NFIC: variants seen among roughly 807,000 people sequenced by gnomAD.
NFIC encodes the protein nuclear factor I C.
A neutral mutation model predicts 54.4 loss-of-function variants in NFIC; 12 were observed. That is an observed-to-expected ratio of 0.22 (90% CI 0.14 to 0.36). The LOEUF is 0.36. Ranked by LOEUF, NFIC falls within the 10% of genes least tolerant of loss-of-function variation. The pLI is 1.00. For synonymous variants in NFIC, 322 were observed against 319.2 expected, an observed-to-expected ratio of 1.01 and a Z score of -0.09; for missense variants, 575 against 718.2, an observed-to-expected ratio of 0.80 and a Z score of 2.28.
intron 5 of NFIC, 121 bp downstream of exon 5, chr19:3,434,521 G>A (rs2082168379): frequency 7.2e-7 from 1 of 1,388,670 alleles, no homozygotes; most frequent in Middle Eastern, 1.9e-4. Flanking sequence ...CACCTGGCCT[G>A]AGAAACTCCT....
chr19:3,371,507 G>A (rs2081010029), intron 1 of NFIC: 1 of 151,896 alleles, frequency 6.6e-6, no homozygotes, highest in African/African-American at 2.4e-5. Flanking sequence ...ATGAATGAAT[G>A]AATGAATGAA....
rs188129752 is a variant in NFIC, at chr19:3,398,597, G to C, written c.562+16354G>C. 7.2e-5 allele frequency among the ~76,000 whole-genome samples: 11 copies of C among 152,246 alleles called. No homozygotes were observed. In the East Asian group the frequency reaches 2.1e-3, roughly 29 times the overall value. ...GTTGTGCTGTCTCTGGGAATCCCAGGCATCCCCCAGGCAGGAGTCAACCCA... is the reference window on the plus strand; with the variant it reads ...GTTGTGCTGTCTCTGGGAATCCCAGCCATCCCCCAGGCAGGAGTCAACCCA... On this transcript the variant is annotated intron_variant, in intron 2 of 10. Transcript: ENST00000443272.
At chr19:3,443,359 G>C (rs2082322005) in intron 6 of NFIC, among the ~76,000 whole-genome samples, 6 of 151,924 alleles carry the variant, frequency 3.9e-5, no homozygotes. Context: ...GGAGGTCAAG[G>C]CTGCAGTAAG....
intron 1 of NFIC, among the ~76,000 whole-genome samples, chr19:3,368,879 GTCTTTCTC>G (rs978573001): frequency 6.6e-6 from 1 of 150,932 alleles, no homozygotes; most frequent in African/African-American, 2.4e-5. Context: ...CTTTTTGTCT[GTCTTTCTC>G]TCTTTCTCTC....
intron 2 of NFIC, among the ~76,000 whole-genome samples, chr19:3,391,389 G>A (rs1355981160): frequency 6.6e-6 from 1 of 152,134 alleles, no homozygotes; most frequent in Non-Finnish European, 1.5e-5. Context: ...GGTGGCTTAC[G>A]CCTGTAATCT....
chr19:3,458,631 G>T lies in NFIC; in HGVS notation c.1509+1996G>T, dbSNP rs1599730901. ...GGGACCAGGGCTGGCAGAATGGGGT[G>T]TGGGGGGGCACTGGCAAGGGGCTCA... On this transcript the variant is annotated intron_variant, in intron 10 of 10. Transcript: ENST00000443272. The surrounding 1 kb of genome is among the most constrained non-coding windows in gnomAD (Gnocchi z 4.1). Among the ~76,000 whole-genome samples the T allele has an allele frequency of 6.6e-6, 1 of 151,982 alleles. No homozygotes were observed. The highest frequency in any genetic ancestry group is 2.4e-5 in the African/African-American group (1 of 41,386).
chr19:3,414,336 A>C (rs12978829), intron 2 of NFIC, among the ~76,000 whole-genome samples: 142,309 of 152,148 alleles, frequency 0.94, 66,589 homozygotes, highest in East Asian at 0.97. Flanking sequence ...GTGGCTCACG[A>C]TTGTAATCCC....
At chr19:3,442,689 C>T (rs907302804) in intron 6 of NFIC, among the ~76,000 whole-genome samples, 7 of 151,972 alleles carry the variant, frequency 4.6e-5, no homozygotes, top group African/African-American at 1.7e-4. Flanking sequence ...GCCCAGCCCG[C>T]CCATCCCTTT....
chr19:3,408,121 G>C (rs913941612), intron 2 of NFIC, among the ~76,000 whole-genome samples: 1 of 152,100 alleles, frequency 6.6e-6, no homozygotes, highest in Non-Finnish European at 1.5e-5. Flanking sequence ...GCCGGCTAAC[G>C]TTGGAAAATC....
intron 1 of NFIC, among the ~76,000 whole-genome samples, chr19:3,373,617 A>AC (rs150678004): frequency 0.085 from 6,646 of 78,412 alleles, 202 homozygotes; most frequent in Admixed American, 0.13. Flanking sequence ...ACCTTCCTGG[A>AC]CCCCCCCCCC....
intron 2 of NFIC, among the ~76,000 whole-genome samples, chr19:3,384,086 GCT>G (rs1005221716): frequency 9.7e-5 from 14 of 143,918 alleles, no homozygotes; most frequent in African/African-American, 3.6e-4. Context: ...ACAGGGTCTC[GCT>G]CTGTCACCCA....
intron 2 of NFIC, among the ~76,000 whole-genome samples, chr19:3,404,945 C>T (rs1358721243): frequency 6.6e-6 from 1 of 152,168 alleles, no homozygotes; most frequent in East Asian, 1.9e-4. Context: ...AGCACTGGGC[C>T]TCCAGTCCCA....
At chr19:3,425,933 T>A in intron 3 of NFIC, among the ~76,000 whole-genome samples, 1 of 124,212 alleles carries the variant, frequency 8.1e-6, no homozygotes, top group Non-Finnish European at 1.7e-5. Flanking sequence ...TTTTTTTTTT[T>A]TTTTTTTTTT....
At chr19:3,409,651 C>T (rs938688460) in intron 2 of NFIC, among the ~76,000 whole-genome samples, 3 of 142,386 alleles carry the variant, frequency 2.1e-5, no homozygotes, top group African/African-American at 7.5e-5. Context: ...TGGGTGCTCC[C>T]GGGCGGGAAG....
In NFIC at chr19:3,413,994, G is replaced by A. The variant is rs186169483; in HGVS notation, c.563-11112G>A. Among the ~76,000 whole-genome samples, 364 of 152,140 alleles carry A rather than the reference G, an allele frequency of 2.4e-3. 1 individual carries two copies. The highest frequency in any genetic ancestry group is 3.5e-3 in the Non-Finnish European group (237 of 68,006). ...GTTCCCATTAGAACATCAGTGCCTCGAGAGGAGGGATTCTTGTCTGTCTCT... is the reference window on the plus strand; with the variant it reads ...GTTCCCATTAGAACATCAGTGCCTCAAGAGGAGGGATTCTTGTCTGTCTCT... On this transcript the variant is annotated intron_variant, in intron 2 of 10. Transcript: ENST00000443272.
At position 3,375,854 on chromosome 19, in the gene NFIC, C is replaced by T. The variant is rs374659949; in HGVS notation, c.31-5858C>T. Among the ~76,000 whole-genome samples the T allele has an allele frequency of 3.9e-5, 6 of 152,170 alleles. No individual in the cohort carries two copies. Among genetic ancestry groups the T allele is most frequent in the Admixed American group, 2.6e-4 (4 of 15,272 alleles). ...GCCCATCCCGGCCTGGAAATGGGACCGAGTCCAGCCACATCCGCTGGCACA... is the reference window on the plus strand; with the variant it reads ...GCCCATCCCGGCCTGGAAATGGGACTGAGTCCAGCCACATCCGCTGGCACA... On this transcript the variant is annotated intron_variant, in intron 1 of 10. Coordinates refer to ENST00000443272, the MANE Select transcript of NFIC (RefSeq NM_001245002.2). This position sits in a 1 kb window ranked among gnomAD's most constrained non-coding sequence, Gnocchi z 4.6.
At chr19:3,383,445 C>T (rs779861725) in intron 2 of NFIC, among the ~76,000 whole-genome samples, 4 of 152,286 alleles carry the variant, frequency 2.6e-5, no homozygotes, top group Non-Finnish European at 5.9e-5. Flanking sequence ...CCTCTGGTCC[C>T]GGTGCTAAGA....
intron 10 of NFIC, among the ~76,000 whole-genome samples, chr19:3,461,909 C>T (rs1361642456): frequency 6.6e-6 from 1 of 151,484 alleles, no homozygotes; most frequent in Admixed American, 6.6e-5. Context: ...TAAAAATTAG[C>T]TGAGTGTGGT....
rs2082665638 is a variant in NFIC at position 3,463,123 on chromosome 19, C to T, written c.*354C>T. On this transcript the variant is annotated 3_prime_UTR_variant, in exon 11 of 11. Transcript: ENST00000443272. ...GGCGTCTTCCTAAGTTATTCATCTC[C>T]TCTCCGCCTGCTGCTCGGGAAGGAC... 2 of 1,168,054 alleles carry T rather than the reference C, an allele frequency of 1.7e-6. No individual in the cohort carries two copies. The highest frequency in any genetic ancestry group is 2.1e-6 in the Non-Finnish European group (2 of 944,980). The allele number at this position is 1,168,054 out of a possible 1,614,324, so 72.4% of individuals were successfully genotyped here. A position where few individuals can be genotyped will look rare whatever the true frequency, so the allele number is the denominator to read the frequency against.
Sources: gnomAD v4.1 joint callset for allele counts (sites outside exome capture counted in the v4.1 genomes callset) on GRCh38, gnomAD v4.1.1 for gene constraint, Gnocchi (gnomAD v3.1) non-coding constraint, MANE v1.5 for transcripts, NCBI Gene and HGNC (gene_info 2026-07-23, HGNC 2026-07-21) for gene names.